Variants in THRB observed in about 807,000 individuals in gnomAD.
The protein encoded by THRB is nuclear receptor subfamily 1 group A member 2.
Under a neutral mutation model 47.8 loss-of-function variants are expected in THRB, and 12 were observed. The ratio of observed to expected loss-of-function variants is 0.25; its 90% CI spans 0.16 to 0.41. The LOEUF (loss-of-function observed/expected upper bound fraction) is 0.41. THRB is among the 10% of genes least tolerant of loss of function. The pLI is 1.00. For missense variants in THRB, 348 were observed against 589.2 expected, an observed-to-expected ratio of 0.59 and a Z score of 4.24; for synonymous variants, 218 against 212.2, an observed-to-expected ratio of 1.03 and a Z score of -0.24.
At chr3:24,232,380 A>G (rs895518937) in intron 3 of THRB, among the ~76,000 whole-genome samples, 2 of 152,218 alleles carry the variant, frequency 1.3e-5, no homozygotes, top group Non-Finnish European at 2.9e-5. Context: ...GCAAAAATAT[A>G]TACAGGTTTC....
chr3:24,312,790 T>C (rs1239960709), intron 2 of THRB, among the ~76,000 whole-genome samples: 1 of 152,160 alleles, frequency 6.6e-6, no homozygotes, highest in Non-Finnish European at 1.5e-5. Flanking sequence ...GAAGAGCGAA[T>C]ATTTTATTTT....
chr3:24,438,348 G>T (rs1176134200), intron 1 of THRB, among the ~76,000 whole-genome samples: 3 of 151,998 alleles, frequency 2.0e-5, no homozygotes, highest in Admixed American at 2.0e-4. Context: ...CAGAAACATA[G>T]AGCAGTTAAA....
At chr3:24,472,587 G>A (rs1694867041) in intron 1 of THRB, among the ~76,000 whole-genome samples, 1 of 152,162 alleles carries the variant, frequency 6.6e-6, no homozygotes, top group Non-Finnish European at 1.5e-5. Flanking sequence ...GTTAAAGAAG[G>A]TGATTCATCT....
At chr3:24,357,308 T>A (rs191677653) in intron 1 of THRB, among the ~76,000 whole-genome samples, 1 of 120,010 alleles carries the variant, frequency 8.3e-6, no homozygotes, top group Admixed American at 1.1e-4. Flanking sequence ...ACTTTCTCAG[T>A]CTTAATCTTG....
chr3:24,218,944 C>G (rs1012705071), intron 4 of THRB, among the ~76,000 whole-genome samples: 5 of 152,080 alleles, frequency 3.3e-5, no homozygotes, highest in Non-Finnish European at 5.9e-5. Flanking sequence ...TACCACACAT[C>G]TAAAGACAAT....
chr3:24,184,735 A>C (rs2042352275), intron 5 of THRB, among the ~76,000 whole-genome samples: 2 of 152,178 alleles, frequency 1.3e-5, no homozygotes, highest in African/African-American at 4.8e-5. Flanking sequence ...TATAAGAATC[A>C]CTGGCACTCT....
chr3:24,279,089 CTT>C (rs1342937353), intron 3 of THRB, among the ~76,000 whole-genome samples: 2 of 152,160 alleles, frequency 1.3e-5, no homozygotes, highest in African/African-American at 4.8e-5. Flanking sequence ...AAGTAATCCT[CTT>C]GTTTTGGCCT....
chr3:24,218,063 G>C (rs2046761306), intron 4 of THRB, among the ~76,000 whole-genome samples: 1 of 151,984 alleles, frequency 6.6e-6, no homozygotes, highest in South Asian at 2.1e-4. Context: ...TCAGGAGATC[G>C]AGACCATCCT....
At chr3:24,135,781 T>C (rs1441573617) in intron 8 of THRB, among the ~76,000 whole-genome samples, 1 of 143,178 alleles carries the variant, frequency 7.0e-6, no homozygotes, top group African/African-American at 2.6e-5. Context: ...GATCAACTGA[T>C]AAAAGGAATG....
At chr3:24,209,653 C>T (rs2045801652) in intron 4 of THRB, among the ~76,000 whole-genome samples, 3 of 152,084 alleles carry the variant, frequency 2.0e-5, no homozygotes, top group African/African-American at 7.2e-5. Context: ...GGAAGAGGAA[C>T]ATCACACACC....
At chr3:24,456,477 A>G (rs954687216) in intron 1 of THRB, among the ~76,000 whole-genome samples, 1 of 152,052 alleles carries the variant, frequency 6.6e-6, no homozygotes, top group African/African-American at 2.4e-5. Flanking sequence ...AGAGTTTTCT[A>G]CATGATAGTG....
intron 1 of THRB, among the ~76,000 whole-genome samples, chr3:24,341,022 GT>G (rs1354908967): frequency 2.0e-5 from 3 of 150,744 alleles, no homozygotes; most frequent in African/African-American, 7.3e-5. Context: ...TTTCTGCTAC[GT>G]TGGTGGACAT....
chr3:24,332,358 T>C (rs1039309959), intron 2 of THRB, among the ~76,000 whole-genome samples: 2 of 152,208 alleles, frequency 1.3e-5, no homozygotes, highest in Non-Finnish European at 2.9e-5. Context: ...CCACGACCCC[T>C]GCTTTGGAGA....
At chr3:24,191,903 G>A (rs2043398206) in intron 4 of THRB, among the ~76,000 whole-genome samples, 1 of 152,158 alleles carries the variant, frequency 6.6e-6, no homozygotes, top group Non-Finnish European at 1.5e-5. Flanking sequence ...TAAGCAATAA[G>A]TCTCCTTTTA....
chr3:24,476,977 C>T (rs1213014788), intron 1 of THRB, among the ~76,000 whole-genome samples: 1 of 148,838 alleles, frequency 6.7e-6, no homozygotes, highest in African/African-American at 2.5e-5. Context: ...TAAAAAGAGA[C>T]ATTGGGTATT....
intron 4 of THRB, among the ~76,000 whole-genome samples, chr3:24,192,187 T>A (rs1267558978): frequency 6.6e-6 from 1 of 152,180 alleles, no homozygotes; most frequent in Non-Finnish European, 1.5e-5. Context: ...CAGATTGAGA[T>A]CTTGAAAGAT....
intron 2 of THRB, among the ~76,000 whole-genome samples, chr3:24,308,997 G>A (rs955808457): frequency 1.3e-5 from 2 of 152,036 alleles, no homozygotes; most frequent in Non-Finnish European, 2.9e-5. Context: ...TGCCCTTGGT[G>A]CTCCCTTTGT....
chr3:24,282,673 T>G (rs1202551053), intron 3 of THRB, among the ~76,000 whole-genome samples: 1 of 145,150 alleles, frequency 6.9e-6, no homozygotes, highest in East Asian at 2.0e-4. Context: ...ATCAACAAAA[T>G]TGATAGACCG....
intron 1 of THRB, among the ~76,000 whole-genome samples, chr3:24,379,356 T>C (rs939993962): frequency 6.6e-6 from 1 of 152,156 alleles, no homozygotes; most frequent in Admixed American, 6.6e-5. Context: ...ATTTGTTAGC[T>C]GTTGAGCTCC....
Sources: allele counts gnomAD v4.1 joint callset (sites outside exome capture counted in the v4.1 genomes callset), GRCh38; gene constraint gnomAD v4.1.1; transcripts MANE v1.5; gene names NCBI Gene and HGNC (gene_info 2026-07-23, HGNC 2026-07-21).